RRAS2: variants seen among roughly 807,000 people sequenced by gnomAD.
RRAS2 encodes RAS related 2.
Under a neutral mutation model 27.6 loss-of-function variants are expected in RRAS2, and 7 were observed. The observed-to-expected ratio is 0.25, with a 90% confidence interval of 0.14 to 0.48. The LOEUF is 0.48. Ranked by LOEUF, RRAS2 falls within the 20% of genes least tolerant of loss-of-function variation. The pLI is 0.99. For synonymous variants in RRAS2, 86 were observed against 90.9 expected, an observed-to-expected ratio of 0.95 and a Z score of 0.31; for missense variants, 178 against 256.2, an observed-to-expected ratio of 0.69 and a Z score of 2.08.
intron 1 of RRAS2, among the ~76,000 whole-genome samples, chr11:14,320,107 C>G (rs1204956164): frequency 6.6e-6 from 1 of 152,108 alleles, no homozygotes; most frequent in Non-Finnish European, 1.5e-5. Flanking sequence ...CACTGCCCAC[C>G]CACCGCACCC....
chr11:14,347,020 A>G (rs1554954147), intron 1 of RRAS2, among the ~76,000 whole-genome samples: 1 of 152,130 alleles, frequency 6.6e-6, no homozygotes, highest in Non-Finnish European at 1.5e-5. Flanking sequence ...TTAGACGGGC[A>G]TGGTGGCATA....
intron 4 of RRAS2, among the ~76,000 whole-genome samples, chr11:14,291,830 T>C (rs1440203212): frequency 6.6e-6 from 1 of 152,212 alleles, no homozygotes; most frequent in Non-Finnish European, 1.5e-5. Flanking sequence ...ATACCCCTTA[T>C]CCAAAATGCA....
At chr11:14,343,911 T>C (rs1554953690) in intron 1 of RRAS2, among the ~76,000 whole-genome samples, 1 of 151,490 alleles carries the variant, frequency 6.6e-6, no homozygotes. Flanking sequence ...GAGGCCAAGG[T>C]GGGCAGATCA....
chr11:14,296,983 C>G (rs1460526842), intron 1 of RRAS2, among the ~76,000 whole-genome samples: 1 of 152,116 alleles, frequency 6.6e-6, no homozygotes, highest in Non-Finnish European at 1.5e-5. Flanking sequence ...GAGCCATGAT[C>G]ATACCACTCT....
intron 1 of RRAS2, among the ~76,000 whole-genome samples, chr11:14,341,129 C>G (rs903035840): frequency 6.6e-6 from 1 of 152,158 alleles, no homozygotes; most frequent in South Asian, 2.1e-4. Context: ...ATCCCTCCCC[C>G]TGAAAATTCA....
chr11:14,333,089 T>C (rs1469353276), intron 1 of RRAS2, among the ~76,000 whole-genome samples: 1 of 152,144 alleles, frequency 6.6e-6, no homozygotes, highest in African/African-American at 2.4e-5. Flanking sequence ...ACACAAAAAG[T>C]ATTTTTTCTT....
At chr11:14,289,601 C>T (rs1021453267) in intron 4 of RRAS2, among the ~76,000 whole-genome samples, 1 of 152,188 alleles carries the variant, frequency 6.6e-6, no homozygotes, top group Admixed American at 6.5e-5. Context: ...ACTAAACAAC[C>T]ACTCAAATTC....
At chr11:14,322,775 C>T (rs1848255692) in intron 1 of RRAS2, among the ~76,000 whole-genome samples, 1 of 152,054 alleles carries the variant, frequency 6.6e-6, no homozygotes, top group Non-Finnish European at 1.5e-5. Context: ...CATCAAGATT[C>T]CGGATTAAAT....
rs1252925180 is a variant in RRAS2 at position 14,278,203 on chromosome 11, CAG to C, written c.*1132_*1133del. On this transcript the variant is annotated 3_prime_UTR_variant, in exon 6 of 6. Transcript: ENST00000256196. ...TAGCAGGGAATACTGAAAGTGATTT[CAG>C]AGTCTCATCCTGTTGTACTCTATTG... 1 of 152,212 alleles carries C rather than the reference CAG, an allele frequency of 6.6e-6. No individual in the cohort carries two copies. Among genetic ancestry groups the C allele is most frequent in the Non-Finnish European group, 1.5e-5 (1 of 68,042 alleles). The allele number at this position is 152,212 out of a possible 1,614,324, so 9.4% of individuals were successfully genotyped here.
intron 4 of RRAS2, among the ~76,000 whole-genome samples, chr11:14,290,221 C>G (rs1169557320): frequency 6.6e-6 from 1 of 152,124 alleles, no homozygotes; most frequent in Non-Finnish European, 1.5e-5. Context: ...GAGGCCAAGG[C>G]GGCAGATCAC....
chr11:14,350,948 G>C (rs1848937756), intron 1 of RRAS2, among the ~76,000 whole-genome samples: 1 of 152,154 alleles, frequency 6.6e-6, no homozygotes, highest in Admixed American at 6.5e-5. Flanking sequence ...CACGTAGACT[G>C]CTTGTTAATT....
chr11:14,331,299 A>G (rs1215476147), intron 1 of RRAS2, among the ~76,000 whole-genome samples: 1 of 152,192 alleles, frequency 6.6e-6, no homozygotes, highest in Non-Finnish European at 1.5e-5. Context: ...CAGTGTACTA[A>G]GTAAATATAT....
At chr11:14,341,650 C>A (rs1554953275) in intron 1 of RRAS2, among the ~76,000 whole-genome samples, 1 of 152,094 alleles carries the variant, frequency 6.6e-6, no homozygotes, top group Admixed American at 6.5e-5. Context: ...GAAGAAAACA[C>A]TTGTGTCTCG....
chr11:14,293,124 A>AATATATATATAT (rs781860601), intron 4 of RRAS2, among the ~76,000 whole-genome samples: 1,840 of 76,552 alleles, frequency 0.024, 71 homozygotes, highest in Admixed American at 0.028. Flanking sequence ...AAACAAAACA[A>AATATATATATAT]ATATATATAT....
intron 1 of RRAS2, among the ~76,000 whole-genome samples, chr11:14,350,265 G>A (rs1848922325): frequency 6.6e-6 from 1 of 152,056 alleles, no homozygotes; most frequent in South Asian, 2.1e-4. Context: ...GTTGGAGGTG[G>A]GGCTTAATGG....
In RRAS2 at chr11:14,279,861, G is replaced by T. The variant is rs573091928; in HGVS notation, c.528-437C>A. ...TAGTCTGAGCCCCAGTTTTTTTAGA[G>T]GGGAATAATGGAAACCTACCTTTCA... On this transcript the variant is annotated intron_variant, in intron 5 of 5. Transcript: ENST00000256196. 1.3e-3 allele frequency among the ~76,000 whole-genome samples: 198 copies of T among 152,252 alleles called. 1 individual carries two copies. The highest frequency in any genetic ancestry group is 2.5e-3 in the South Asian group (12 of 4,826).
Position 14,294,817 on chromosome 11 carries a change from T to C in RRAS2, c.242A>G (p.Gln81Arg). Residue 81 changes from glutamine (Q) to arginine (R), a missense_variant, in exon 3 of 6, where the codon CAG (glutamine) becomes CGG (arginine). Physicochemically the swap from Gln to Arg is conservative, Grantham distance 43 (BLOSUM62 1). Coordinates refer to ENST00000256196, the MANE Select transcript of RRAS2 (RefSeq NM_012250.6). Reference sequence around the variant, plus strand: ...GAAGCCTTCGCCAGTCCTCATATACTGTTCTCTCATGGCTCCAAACTCTTC... The same window carrying C: ...GAAGCCTTCGCCAGTCCTCATATACCGTTCTCTCATGGCTCCAAACTCTTC... ...GQEEFGAMRE[Q>R]YMRTGEGFLL... The C allele has an allele frequency of 6.2e-7, 1 of 1,613,852 alleles. No homozygotes were observed. The highest frequency in any genetic ancestry group is 8.5e-7 in the Non-Finnish European group (1 of 1,179,930).
At chr11:14,289,348 G>A (rs1466452636) in intron 4 of RRAS2, among the ~76,000 whole-genome samples, 6 of 152,186 alleles carry the variant, frequency 3.9e-5, no homozygotes, top group African/African-American at 1.4e-4. Context: ...AAAAAGCAAA[G>A]ACAGTTGATC....
chr11:14,348,824 C>T (rs1307981814), intron 1 of RRAS2, among the ~76,000 whole-genome samples: 1 of 152,138 alleles, frequency 6.6e-6, no homozygotes, highest in Non-Finnish European at 1.5e-5. Context: ...ATTTAGAAAC[C>T]AAGATCTAGT....
Sources: gnomAD v4.1 joint callset for allele counts (sites outside exome capture counted in the v4.1 genomes callset) on GRCh38, gnomAD v4.1.1 for gene constraint, MANE v1.5 for transcripts, NCBI Gene and HGNC (gene_info 2026-07-23, HGNC 2026-07-21) for gene names.